The following SYNE1 variants were observed in gnomAD, a reference collection of about 807,000 sequenced individuals.
SYNE1 encodes spectrin repeat containing nuclear envelope protein 1.
SYNE1 carries 616 observed loss-of-function variants against 1,111.0 expected under a neutral mutation model. The observed-to-expected ratio is 0.55, with a 90% confidence interval of 0.52 to 0.59. The LOEUF (loss-of-function observed/expected upper bound fraction) is 0.59. Ranked by LOEUF, SYNE1 falls within the 20% of genes least tolerant of loss-of-function variation. The probability of loss-of-function intolerance (pLI) is 0.00; values close to 1 mark genes in which losing one functional copy is unlikely to be tolerated. For missense variants in SYNE1, 10,006 were observed against 10,417.0 expected, an observed-to-expected ratio of 0.96 and a Z score of 1.72; for synonymous variants, 3,855 against 3,825.8, an observed-to-expected ratio of 1.01 and a Z score of -0.28.
At chr6:152,316,769 C>T (rs1463349933) in intron 87 of SYNE1, 80 bp downstream of exon 87, 5 of 1,557,142 alleles carry the variant, frequency 3.2e-6, no homozygotes, top group Non-Finnish European at 3.5e-6. Context: ...CATCACAGCC[C>T]TCTAAGTGTT....
chr6:152,438,667 C>T (rs1473557192), intron 32 of SYNE1, among the ~76,000 whole-genome samples: 1 of 152,100 alleles, frequency 6.6e-6, no homozygotes, highest in East Asian at 1.9e-4. Context: ...ATCTTATTTT[C>T]AAGATTAAAC....
intron 33 of SYNE1, chr6:152,434,841 T>C (rs1458614960): frequency 6.6e-6 from 1 of 152,150 alleles, no homozygotes; most frequent in African/African-American, 2.4e-5. Context: ...GTGGCATCAT[T>C]GACTGTCAAA....
In SYNE1 at chr6:152,326,322, A is replaced by G. The variant is rs774381382; in HGVS notation, c.15267T>C (p.Ser5089=). 1 of 1,614,062 alleles carries G rather than the reference A, an allele frequency of 6.2e-7. No homozygotes were observed. Among genetic ancestry groups the G allele is most frequent in the East Asian group, 2.2e-5 (1 of 44,904 alleles). The change falls in exon 79 of 146, where the codon TCT becomes TCC. Residue 5089 remains serine, a synonymous_variant. Transcript: ENST00000367255. ...TCTGCAAGAGATCCACTTGGGCACC[A>G]GAGTCCCGGCTCATCCTCTGGCTCC... ...ELRSQRMSRD[S]GAQVDLLQRC... is the part of the protein sequence containing the mutation.
intron 48 of SYNE1, 60 bp downstream of exon 48, chr6:152,399,556 A>G: frequency 1.3e-6 from 2 of 1,596,566 alleles, no homozygotes; most frequent in Non-Finnish European, 1.7e-6. Context: ...TCTAGGCAGC[A>G]TTTGGTTTGG....
rs73619387 is a variant in SYNE1 at position 152,237,246 on chromosome 6, T to C, written c.20068-298A>G. 5.4e-3 allele frequency among the ~76,000 whole-genome samples: 824 copies of C among 152,140 alleles called. 6 individuals are homozygous for C. The highest frequency in any genetic ancestry group is 0.027 in the Middle Eastern group (8 of 294). ...TACAATGGGGATAATAATAGCTATC[T>C]TCTCCATCATGAGGATTAAATGGAA... On this transcript the variant is annotated intron_variant, in intron 108 of 145. Coordinates refer to ENST00000367255, the MANE Select transcript of SYNE1 (RefSeq NM_182961.4).
At chr6:152,443,400 G>A (rs1414551328) in intron 30 of SYNE1, among the ~76,000 whole-genome samples, 1 of 151,990 alleles carries the variant, frequency 6.6e-6, no homozygotes, top group Non-Finnish European at 1.5e-5. Flanking sequence ...GAGTAGCTGG[G>A]ACCACAGGCG....
chr6:152,493,278 C>T (rs2154308134), intron 11 of SYNE1, among the ~76,000 whole-genome samples: 1 of 152,140 alleles, frequency 6.6e-6, no homozygotes, highest in South Asian at 2.1e-4. Flanking sequence ...CTTGCCTATC[C>T]ACCCCGTGGT....
chr6:152,429,360 C>T (rs2154199944), intron 36 of SYNE1, among the ~76,000 whole-genome samples: 1 of 152,222 alleles, frequency 6.6e-6, no homozygotes, highest in Middle Eastern at 3.4e-3. Context: ...TTTCATCACA[C>T]TGAATTCTCC....
intron 3 of SYNE1, among the ~76,000 whole-genome samples, chr6:152,621,325 T>C (rs2099674809): frequency 6.6e-6 from 1 of 152,166 alleles, no homozygotes; most frequent in African/African-American, 2.4e-5. Flanking sequence ...TAATGTTACA[T>C]CATAAGAGTA....
At chr6:152,460,799 CTTTTTTTTTTT>C (rs869295894) in intron 21 of SYNE1, among the ~76,000 whole-genome samples, 2 of 67,538 alleles carry the variant, frequency 3.0e-5, no homozygotes, top group Admixed American at 2.2e-4. Flanking sequence ...TGTATATAAT[CTTTTTTTTTTT>C]TTTTTTTTTT....
intron 95 of SYNE1, 25 bp downstream of exon 95, chr6:152,293,563 A>G (rs934229516): frequency 1.9e-6 from 3 of 1,613,616 alleles, no homozygotes; most frequent in Non-Finnish European, 1.7e-6. Context: ...ATCAAGTAGG[A>G]AACTGAAGTC....
At chr6:152,627,198 C>T (rs1331521182) in intron 3 of SYNE1, among the ~76,000 whole-genome samples, 1 of 152,146 alleles carries the variant, frequency 6.6e-6, no homozygotes, top group Non-Finnish European at 1.5e-5. Context: ...GTGAATATAT[C>T]ATTGGGATTA....
chr6:152,230,663 A>T lies in SYNE1; in HGVS notation c.21079T>A (p.Tyr7027Asn). ...TTCAGACATTGTACATTATTTTCATATTCTGACCAAGATTCCAATAAGCCT... is the reference window on the plus strand; with the variant it reads ...TTCAGACATTGTACATTATTTTCATTTTCTGACCAAGATTCCAATAAGCCT... Reference protein sequence around the residue: ...LEGLLESWSEYENNVQCLKTW... With the variant: ...LEGLLESWSENENNVQCLKTW... Residue 7027 changes from tyrosine (Y) to asparagine (N), a missense_variant, in exon 115 of 146, where the codon TAT becomes AAT. Tyr to Asn is a moderately radical substitution (Grantham distance 143, BLOSUM62 -2). Around this residue, in one of 7 missense-constraint regions of SYNE1, gnomAD observed 2,182 missense variants for 2,287.8 expected, o/e 0.95. Transcript: ENST00000367255. 1.2e-6 allele frequency: 2 copies of T among 1,614,042 alleles called. No homozygotes were observed. The highest frequency in any genetic ancestry group is 1.7e-6 in the Non-Finnish European group (2 of 1,179,976).
At chr6:152,181,667 T>A (rs919632631) in intron 128 of SYNE1, among the ~76,000 whole-genome samples, 4 of 152,234 alleles carry the variant, frequency 2.6e-5, no homozygotes, top group African/African-American at 9.6e-5. Context: ...CTGACTATAT[T>A]CCATTGTATG....
rs766062575 is a variant in SYNE1 at position 152,465,358 on chromosome 6, A to G, written c.1832T>C (p.Val611Ala). ...GCCATAGCGATCCCAGTTAGAGATC[A>G]CTTCTTCCAGCATGCTCCTCACACT... ...VRSVRSMLEE[V>A]ISNWDRYGNT... Residue 611 changes from valine to alanine, a missense_variant, in exon 18 of 146, where the codon GTG (valine) becomes GCG (alanine). Val to Ala is a moderately conservative substitution (Grantham distance 64). Around this residue, in one of 7 missense-constraint regions of SYNE1, gnomAD observed 1,971 missense variants for 2,084.1 expected, o/e 0.95. Coordinates refer to ENST00000367255, the MANE Select transcript of SYNE1 (RefSeq NM_182961.4). The G allele has an allele frequency of 3.7e-6, 6 of 1,613,702 alleles. No homozygotes were observed. Among genetic ancestry groups the G allele is most frequent in the Non-Finnish European group, 5.1e-6 (6 of 1,179,846 alleles).
chr6:152,230,472 C>G, intron 115 of SYNE1, 75 bp downstream of exon 115: 1 of 1,447,680 alleles, frequency 6.9e-7, no homozygotes, highest in Non-Finnish European at 9.7e-7. Flanking sequence ...ACTTGCAACT[C>G]TCAAGGCCTA....
chr6:152,298,339 TC>T (rs2094991141), intron 93 of SYNE1, among the ~76,000 whole-genome samples: 1 of 152,188 alleles, frequency 6.6e-6, no homozygotes, highest in African/African-American at 2.4e-5. Context: ...TCAAATGTAT[TC>T]CTCCCTCAAC....
intron 41 of SYNE1, among the ~76,000 whole-genome samples, chr6:152,415,603 C>T (rs742783): frequency 0.042 from 6,329 of 152,078 alleles, 246 homozygotes; most frequent in African/African-American, 0.094. Flanking sequence ...AGGATCACTA[C>T]CTTTCTCTTC....
intron 3 of SYNE1, among the ~76,000 whole-genome samples, chr6:152,545,673 A>G (rs530063405): frequency 1.3e-5 from 2 of 152,202 alleles, no homozygotes; most frequent in Non-Finnish European, 2.9e-5. Context: ...CTGGCAAAAT[A>G]AATACATAAA....
Sources: allele counts gnomAD v4.1 joint callset (sites outside exome capture counted in the v4.1 genomes callset), GRCh38; gene constraint gnomAD v4.1.1; regional missense constraint gnomAD v4.1.1; transcripts MANE v1.5; gene names NCBI Gene and HGNC (gene_info 2026-07-23, HGNC 2026-07-21).